The following RANBP2 variants were observed in gnomAD, a reference collection of about 807,000 sequenced individuals.
RANBP2 encodes E3 SUMO-protein ligase RanBP2.
In RANBP2, 57 loss-of-function variants were observed where a neutral mutation model predicts 303.6. That is an observed-to-expected ratio of 0.19 (90% CI 0.15 to 0.23). RANBP2 has a LOEUF of 0.23. Among genes scored for constraint, RANBP2 ranks in the 10% least tolerant of loss-of-function variants. The pLI is 1.00. For synonymous variants in RANBP2, 1,167 were observed against 1,301.5 expected (o/e 0.90, Z 2.23); for missense variants, 3,138 against 3,780.8 (o/e 0.83, Z 4.46).
the RANBP2 span, among the ~76,000 whole-genome samples, chr2:109,240,980 A>T: frequency 6.6e-6 from 1 of 151,990 alleles, no homozygotes; most frequent in African/African-American, 2.4e-5. Flanking sequence ...ACAAGTCCAC[A>T]TCTCCCCAAA....
chr2:109,022,652 C>A, the RANBP2 span, among the ~76,000 whole-genome samples: 1 of 152,158 alleles, frequency 6.6e-6, no homozygotes, highest in African/African-American at 2.4e-5. Context: ...AAGGGTATCA[C>A]ACATGCTATT....
At chr2:108,771,344 TG>T (rs1203376181) in intron 20 of RANBP2, among the ~76,000 whole-genome samples, 1 of 152,146 alleles carries the variant, frequency 6.6e-6, no homozygotes, top group African/African-American at 2.4e-5. Context: ...ATGGATATTT[TG>T]GTAAACTATT....
the RANBP2 span, among the ~76,000 whole-genome samples, chr2:109,591,811 T>C: frequency 6.6e-6 from 1 of 151,982 alleles, no homozygotes; most frequent in Admixed American, 6.6e-5. Context: ...GGCATGAGAA[T>C]TGCTTGAACC....
At chr2:109,350,673 T>A in the RANBP2 span, among the ~76,000 whole-genome samples, 1 of 152,162 alleles carries the variant, frequency 6.6e-6, no homozygotes. Context: ...CCACGGTGGG[T>A]CCGACCCACC....
the RANBP2 span, among the ~76,000 whole-genome samples, chr2:109,280,042 A>G: frequency 6.6e-6 from 1 of 152,162 alleles, no homozygotes; most frequent in Non-Finnish European, 1.5e-5. Flanking sequence ...TGGACTTCAG[A>G]ATGCCAGCCA....
At chr2:108,856,700 T>G in the RANBP2 span, 295 of 1,158,856 alleles carry the variant, frequency 2.5e-4, 1 homozygote, top group African/African-American at 4.2e-3. Flanking sequence ...TCTTTTGAGT[T>G]TGTTAAAGTA....
chr2:109,400,467 A>G, the RANBP2 span, among the ~76,000 whole-genome samples: 1 of 152,070 alleles, frequency 6.6e-6, no homozygotes, highest in Non-Finnish European at 1.5e-5. Flanking sequence ...ACACACATAC[A>G]CATGTGCACA....
chr2:109,705,074 AAAAT>A, the RANBP2 span, among the ~76,000 whole-genome samples: 23,584 of 144,758 alleles, frequency 0.16, 2,615 homozygotes, highest in African/African-American at 0.31. Flanking sequence ...ACTCCCTCTC[AAAAT>A]AAATAAATAA....
chr2:108,943,609 C>T, the RANBP2 span, among the ~76,000 whole-genome samples: 1 of 152,164 alleles, frequency 6.6e-6, no homozygotes, highest in Non-Finnish European at 1.5e-5. Context: ...TGGGAGGACT[C>T]ACTTCCGAGC....
the RANBP2 span, among the ~76,000 whole-genome samples, chr2:109,661,219 G>T: frequency 1.1e-4 from 17 of 151,072 alleles, no homozygotes; most frequent in African/African-American, 3.9e-4. Context: ...GAAGGTGAAG[G>T]GGCATGAGGG....
chr2:109,225,910 C>T, the RANBP2 span, among the ~76,000 whole-genome samples: 5 of 152,166 alleles, frequency 3.3e-5, no homozygotes, highest in Admixed American at 2.6e-4. Context: ...GGACTATAGT[C>T]GCTTTCCACC....
the RANBP2 span, among the ~76,000 whole-genome samples, chr2:109,179,001 TAATGTG>T: frequency 3.2e-4 from 21 of 65,390 alleles, 1 homozygote; most frequent in Admixed American, 1.5e-3. Context: ...TAAAGTATAA[TAATGTG>T]TGTGTGTGTG....
At chr2:109,073,104 A>T in the RANBP2 span, among the ~76,000 whole-genome samples, 1 of 152,244 alleles carries the variant, frequency 6.6e-6, no homozygotes, top group African/African-American at 2.4e-5. Context: ...GAATGGAGAT[A>T]TGTGATTTAC....
chr2:108,765,992 C>T lies in RANBP2; in HGVS notation c.5453C>T (p.Pro1818Leu), dbSNP rs767497700. The T allele has an allele frequency of 5.6e-6, 9 of 1,614,024 alleles. No individual in the cohort carries two copies. Among genetic ancestry groups the T allele is most frequent in the Non-Finnish European group, 7.6e-6 (9 of 1,179,998 alleles). Reference protein sequence around the residue: ...KPTHKPIAEAPSAFTLGSEMK... With the variant: ...KPTHKPIAEALSAFTLGSEMK... ...ACTCATAAACCTATTGCAGAAGCTC[C>T]TTCAGCTTTCACACTGGGCTCAGAA... is the stretch of plus-strand genomic sequence containing the variant. The change falls in exon 20 of 29, where the codon CCT becomes CTT. Residue 1818 changes from proline to leucine, a missense_variant. By Grantham distance (98) the Pro-to-Leu change is moderately conservative. Transcript: ENST00000283195.
In RANBP2 at chr2:108,763,850, A is replaced by G; in HGVS notation, c.3311A>G (p.Lys1104Arg). Residue 1104 changes from lysine (K) to arginine (R), a missense_variant, in exon 20 of 29, where the codon AAA becomes AGA. By Grantham distance (26) the Lys-to-Arg change is conservative (BLOSUM62 2). Transcript: ENST00000283195. ...GPRNTFNFGSKNVSGISFTEN... is the reference protein window; with the variant it reads ...GPRNTFNFGSRNVSGISFTEN... Reference sequence around the variant, plus strand: ...CGAAATACATTCAATTTTGGAAGCAAAAATGTGTCTGGAATTTCATTTACA... The same window carrying G: ...CGAAATACATTCAATTTTGGAAGCAGAAATGTGTCTGGAATTTCATTTACA... 1 of 1,614,124 alleles carries G rather than the reference A, an allele frequency of 6.2e-7. No individual in the cohort carries two copies. Among genetic ancestry groups the G allele is most frequent in the Non-Finnish European group, 8.5e-7 (1 of 1,180,002 alleles).
the RANBP2 span, among the ~76,000 whole-genome samples, chr2:109,540,871 T>C: frequency 2.0e-5 from 3 of 152,202 alleles, no homozygotes; most frequent in African/African-American, 4.8e-5. Flanking sequence ...CATCTTCTTT[T>C]AACCTTTCTC....
the RANBP2 span, among the ~76,000 whole-genome samples, chr2:109,474,872 T>C: frequency 1.3e-5 from 2 of 152,110 alleles, no homozygotes; most frequent in African/African-American, 4.8e-5. Flanking sequence ...CCAGCAACCC[T>C]CCAGAGCCAG....
chr2:108,950,892 C>G, the RANBP2 span, among the ~76,000 whole-genome samples: 4 of 152,228 alleles, frequency 2.6e-5, no homozygotes, highest in Non-Finnish European at 4.4e-5. Flanking sequence ...TCCACATTAA[C>G]CAGGCCCCCA....
the RANBP2 span, chr2:109,432,770 C>T: frequency 2.3e-5 from 33 of 1,448,144 alleles, no homozygotes; most frequent in Non-Finnish European, 2.9e-5. Context: ...CAGCCGGGCC[C>T]AGAAGGCAGC....
Sources: allele counts gnomAD v4.1 joint callset (sites outside exome capture counted in the v4.1 genomes callset), GRCh38; gene constraint gnomAD v4.1.1; transcripts MANE v1.5; gene names NCBI Gene and HGNC (gene_info 2026-07-23, HGNC 2026-07-21).